AGPAT5: variants seen among roughly 807,000 people sequenced by gnomAD.
AGPAT5 encodes 1-acylglycerol-3-phosphate O-acyltransferase 5.
AGPAT5 carries 46 observed loss-of-function variants against 45.6 expected under a neutral mutation model. The observed-to-expected ratio is 1.01, with a 90% CI of 0.80 to 1.29. The LOEUF (loss-of-function observed/expected upper bound fraction) is 1.29. Among genes scored for constraint, AGPAT5 ranks in the 50% most tolerant of loss-of-function variants. The pLI, the probability that AGPAT5 is intolerant of heterozygous loss-of-function variation, is 0.00. For missense variants in AGPAT5, 673 were observed against 450.7 expected, an observed-to-expected ratio of 1.49 and a Z score of -4.47; for synonymous variants, 272 against 167.0, an observed-to-expected ratio of 1.63 and a Z score of -4.85.
chr8:6,733,452 T>C (rs1800939481), intron 4 of AGPAT5, among the ~76,000 whole-genome samples: 1 of 152,218 alleles, frequency 6.6e-6, no homozygotes, highest in South Asian at 2.1e-4. Flanking sequence ...GAGCATTGTT[T>C]ATTCACATGC....
At chr8:6,728,231 C>G (rs1258217772) in intron 2 of AGPAT5, among the ~76,000 whole-genome samples, 1 of 152,126 alleles carries the variant, frequency 6.6e-6, no homozygotes, top group Non-Finnish European at 1.5e-5. Context: ...CTCACACAGC[C>G]AAATTTATTG....
intron 3 of AGPAT5, among the ~76,000 whole-genome samples, chr8:6,731,920 C>A (rs1006823550): frequency 3.9e-5 from 6 of 152,152 alleles, no homozygotes; most frequent in Non-Finnish European, 8.8e-5. Context: ...TGCCCAAGCA[C>A]CGCTGGCACT....
At chr8:6,725,014 T>G (rs559674110) in intron 2 of AGPAT5, 75 bp downstream of exon 2, 400 of 502,412 alleles carry the variant, frequency 8.0e-4, no homozygotes, top group Non-Finnish European at 1.1e-3. Context: ...CGTTCTTATA[T>G]TTAAATGAAG....
intron 6 of AGPAT5, among the ~76,000 whole-genome samples, chr8:6,752,033 C>T (rs770585583): frequency 2.6e-5 from 4 of 151,956 alleles, no homozygotes; most frequent in South Asian, 4.2e-4. Context: ...AAAAATTAGC[C>T]GGGCACAGTG....
At chr8:6,724,033 A>G (rs1199188785) in intron 1 of AGPAT5, among the ~76,000 whole-genome samples, 9 of 152,232 alleles carry the variant, frequency 5.9e-5, no homozygotes, top group Admixed American at 3.9e-4. Flanking sequence ...CTTTACAAGT[A>G]TACTCCCAGT....
At chr8:6,745,970 G>C (rs550513393) in intron 5 of AGPAT5, 1 of 149,558 alleles carries the variant, frequency 6.7e-6, no homozygotes, top group East Asian at 2.0e-4. Flanking sequence ...TCTTTCTTTC[G>C]CTCTCTCTCC....
At chr8:6,731,171 G>A in intron 3 of AGPAT5, among the ~76,000 whole-genome samples, 1 of 152,124 alleles carries the variant, frequency 6.6e-6, no homozygotes, top group African/African-American at 2.4e-5. Flanking sequence ...CTATAAAAAT[G>A]TTATATTTTA....
At chr8:6,757,033 T>G in intron 7 of AGPAT5, 130 bp from the exon 8 acceptor site, 1 of 662,640 alleles carries the variant, frequency 1.5e-6, no homozygotes, top group Non-Finnish European at 2.6e-6. Context: ...TTTCTGGATG[T>G]TTCCGTATTC....
At chr8:6,712,814 C>G (rs1800196262) in intron 1 of AGPAT5, among the ~76,000 whole-genome samples, 2 of 152,172 alleles carry the variant, frequency 1.3e-5, no homozygotes, top group Admixed American at 6.5e-5. Flanking sequence ...TAAATAATGA[C>G]AAATCTTTTT....
Position 6,760,764 on chromosome 8 carries a change from T to A in AGPAT5, c.*3376T>A, listed in dbSNP as rs1802012286. 6.6e-6 allele frequency among the ~76,000 whole-genome samples: 1 copy of A among 152,186 alleles called. No individual in the cohort carries two copies. The highest frequency in any genetic ancestry group is 2.4e-5 in the African/African-American group (1 of 41,422). ...TTTGATTAAAGAACTTGAAATTACG[T>A]TATCACTTAGTATAATTGACATTAT... On this transcript the variant is annotated 3_prime_UTR_variant, in exon 8 of 8. Coordinates refer to ENST00000285518, the MANE Select transcript of AGPAT5 (RefSeq NM_018361.5).
chr8:6,717,413 G>GTGC (rs1800367346), intron 1 of AGPAT5, among the ~76,000 whole-genome samples: 1 of 152,220 alleles, frequency 6.6e-6, no homozygotes, highest in Non-Finnish European at 1.5e-5. Flanking sequence ...GTCATGTTAA[G>GTGC]TCCCAGCCAC....
At chr8:6,709,629 A>G (rs985655158) in intron 1 of AGPAT5, 1 of 151,190 alleles carries the variant, frequency 6.6e-6, no homozygotes, top group Non-Finnish European at 1.5e-5. Flanking sequence ...ATTCTTGGTT[A>G]TTCCTAATGT....
At position 6,746,033 on chromosome 8, in the gene AGPAT5, T is replaced by TTG. The variant is rs1554513820; in HGVS notation, c.587-1637_587-1636insTG. The TTG allele has an allele frequency of 1.4e-3, 205 of 151,452 alleles. 1 individual carries two copies. Among genetic ancestry groups the TTG allele is most frequent in the African/African-American group, 4.9e-3 (201 of 40,916 alleles). The allele number at this position is 151,452 out of a possible 1,614,324, so 9.4% of individuals were successfully genotyped here. ...TTTCTTCCTTCCCTCACTCGTTCTC[T>TTG]CTTGCTTGCTTGCTTTCTCTCCTCT... On this transcript the variant is annotated intron_variant, in intron 5 of 7. Transcript: ENST00000285518.
chr8:6,730,662 A>C, intron 2 of AGPAT5, 49 bp from the exon 3 acceptor site: 1 of 1,252,490 alleles, frequency 8.0e-7, no homozygotes, highest in Non-Finnish European at 1.2e-6. Context: ...TTCATAGTAC[A>C]ACCTGTGAAG....
chr8:6,756,155 CTT>C (rs1801825148), intron 7 of AGPAT5, among the ~76,000 whole-genome samples: 3 of 152,160 alleles, frequency 2.0e-5, no homozygotes, highest in Admixed American at 2.0e-4. Context: ...GCTATCATAA[CTT>C]TACAAATCTT....
Position 6,732,575 on chromosome 8 carries a change from T to G in AGPAT5, c.420T>G (p.Tyr140Ter), listed in dbSNP as rs781383212. 6.2e-7 allele frequency: 1 copy of G among 1,608,040 alleles called. No individual in the cohort carries two copies. Among genetic ancestry groups the G allele is most frequent in the Non-Finnish European group, 8.5e-7 (1 of 1,178,454 alleles). The change falls in exon 4 of 8, where the codon TAT becomes TAG. Residue 140 changes from tyrosine to a stop codon, truncating the protein, a stop_gained. Coordinates refer to ENST00000285518, the MANE Select transcript of AGPAT5 (RefSeq NM_018361.5). LOFTEE classifies it high-confidence loss of function. ...GATTGTGGCAGCATGGAGGAATCTA[T>G]GTAAAGCGCAGTGCCAAATTTAACG... ...GCYFAQHGGI[Y>*]VKRSAKFNEK...
intron 1 of AGPAT5, 125 bp downstream of exon 1, chr8:6,709,012 G>T (rs565304170): frequency 1.1e-6 from 1 of 908,052 alleles, no homozygotes; most frequent in Admixed American, 2.0e-5. Context: ...CGGAGAGCAC[G>T]TGCCGCCTCC....
chr8:6,726,758 T>TC (rs1800701127), intron 2 of AGPAT5, among the ~76,000 whole-genome samples: 1 of 152,186 alleles, frequency 6.6e-6, no homozygotes, highest in African/African-American at 2.4e-5. Context: ...CACTTCCCCT[T>TC]CCCTTCACCC....
chr8:6,731,755 A>G (rs1294698373), intron 3 of AGPAT5, among the ~76,000 whole-genome samples: 1 of 152,172 alleles, frequency 6.6e-6, no homozygotes, highest in Non-Finnish European at 1.5e-5. Context: ...TTAAAAAAAA[A>G]AAGCAAACTG....
Sources: gnomAD v4.1 joint callset for allele counts (sites outside exome capture counted in the v4.1 genomes callset) on GRCh38, gnomAD v4.1.1 for gene constraint, MANE v1.5 for transcripts, NCBI Gene and HGNC (gene_info 2026-07-23, HGNC 2026-07-21) for gene names.